The following NBEA variants were observed in gnomAD, a reference collection of about 807,000 sequenced individuals.
NBEA encodes lysosomal-trafficking regulator 2.
In NBEA, 44 loss-of-function variants were observed where a neutral mutation model predicts 343.4. That is an observed-to-expected ratio of 0.13 (90% confidence interval 0.10 to 0.16). The LOEUF (loss-of-function observed/expected upper bound fraction) is 0.16, where lower values mean the gene tolerates loss of function less well. Among genes scored for constraint, NBEA ranks in the 10% least tolerant of loss-of-function variants. The pLI, the probability that NBEA is intolerant of heterozygous loss-of-function variation, is 1.00. For synonymous variants in NBEA, 1,175 were observed against 1,238.7 expected (o/e 0.95, Z 1.08); for missense variants, 2,555 against 3,631.3 (o/e 0.70, Z 7.62).
chr13:35,430,503 T>G (rs1263591943), intron 38 of NBEA, among the ~76,000 whole-genome samples: 3 of 152,206 alleles, frequency 2.0e-5, no homozygotes, highest in Non-Finnish European at 4.4e-5. Context: ...GGGTTCTTGG[T>G]CATGAAGTCT....
At chr13:35,097,670 G>C (rs1298664575) in intron 10 of NBEA, among the ~76,000 whole-genome samples, 3 of 151,720 alleles carry the variant, frequency 2.0e-5, no homozygotes, top group Non-Finnish European at 4.4e-5. Context: ...CTCTTTGTCT[G>C]CTTTTATGTA....
intron 49 of NBEA, among the ~76,000 whole-genome samples, chr13:35,637,808 C>A (rs1332591011): frequency 2.7e-5 from 4 of 148,864 alleles, no homozygotes; most frequent in Non-Finnish European, 3.0e-5. Context: ...GGTTACAGAG[C>A]AAGACTCCAT....
chr13:35,357,977 A>T (rs2040589182), intron 38 of NBEA, among the ~76,000 whole-genome samples: 1 of 152,028 alleles, frequency 6.6e-6, no homozygotes, highest in South Asian at 2.1e-4. Context: ...CTTAACTTCT[A>T]ATATATAGTT....
chr13:35,565,582 G>A (rs1212958506), intron 44 of NBEA, among the ~76,000 whole-genome samples: 1 of 151,818 alleles, frequency 6.6e-6, no homozygotes, highest in Non-Finnish European at 1.5e-5. Context: ...GAATTTTAAT[G>A]GAAATTTAGA....
intron 45 of NBEA, among the ~76,000 whole-genome samples, chr13:35,577,039 C>T (rs2080776649): frequency 6.6e-6 from 1 of 152,128 alleles, no homozygotes; most frequent in African/African-American, 2.4e-5. Flanking sequence ...CAAGTGCCCA[C>T]CAGAATTATC....
Position 35,432,322 on chromosome 13 carries a change from G to A in NBEA, c.6233G>A (p.Arg2078Lys), listed in dbSNP as rs753679154. The A allele has an allele frequency of 1.2e-5, 20 of 1,608,590 alleles. No homozygotes were observed. The highest frequency in any genetic ancestry group is 1.7e-5 in the Non-Finnish European group (20 of 1,177,202). Residue 2078 changes from arginine (R) to lysine (K), a missense_variant, in exon 39 of 59, where the codon AGG (arginine) becomes AAG (lysine). Around this residue, in one of 21 missense-constraint regions of NBEA, gnomAD observed 246 missense variants for 313.7 expected, o/e 0.78. Transcript: ENST00000379939. Reference protein sequence around the residue: ...LDYWEDDLRRRRRFVRNAFGS... With the variant: ...LDYWEDDLRRKRRFVRNAFGS... Reference sequence around the variant, plus strand: ...TACTGGGAAGATGATCTTCGTCGAAGGAGACGATTTGTTCGCAATGCATTT... The same window carrying A: ...TACTGGGAAGATGATCTTCGTCGAAAGAGACGATTTGTTCGCAATGCATTT...
intron 1 of NBEA, among the ~76,000 whole-genome samples, chr13:34,950,609 TA>T (rs1425762441): frequency 2.6e-5 from 4 of 151,382 alleles, no homozygotes; most frequent in African/African-American, 7.2e-5. Context: ...TATTCTAAAT[TA>T]AAAAAATTTT....
intron 38 of NBEA, among the ~76,000 whole-genome samples, chr13:35,387,129 A>G (rs996465777): frequency 6.6e-6 from 1 of 152,146 alleles, no homozygotes; most frequent in African/African-American, 2.4e-5. Flanking sequence ...AATGATTGTA[A>G]CAACTATTTT....
intron 25 of NBEA, among the ~76,000 whole-genome samples, chr13:35,169,992 T>G (rs1024060732): frequency 6.6e-6 from 1 of 151,780 alleles, no homozygotes; most frequent in Non-Finnish European, 1.5e-5. Flanking sequence ...TTAGAGAGAA[T>G]GGTTTTAACC....
intron 11 of NBEA, among the ~76,000 whole-genome samples, chr13:35,098,696 A>G (rs374871709): frequency 6.6e-6 from 1 of 151,980 alleles, no homozygotes; most frequent in African/African-American, 2.4e-5. Flanking sequence ...CTTTATTTCT[A>G]CTCTCACTTT....
intron 37 of NBEA, among the ~76,000 whole-genome samples, chr13:35,350,456 T>G (rs1457063302): frequency 1.3e-5 from 2 of 152,102 alleles, no homozygotes; most frequent in African/African-American, 2.4e-5. Flanking sequence ...GTGTTTTATG[T>G]ACTGAAATAA....
chr13:35,542,612 C>G (rs997358672), intron 41 of NBEA, among the ~76,000 whole-genome samples: 1 of 152,026 alleles, frequency 6.6e-6, no homozygotes, highest in Non-Finnish European at 1.5e-5. Flanking sequence ...CAGTTGTTCT[C>G]TAACTTTTTT....
chr13:35,235,375 A>T (rs1257764669), intron 34 of NBEA, among the ~76,000 whole-genome samples: 2 of 152,144 alleles, frequency 1.3e-5, no homozygotes, highest in Non-Finnish European at 2.9e-5. Context: ...AAAGCCTTTT[A>T]TTTTTTCTGT....
chr13:35,313,587 CTT>C (rs2037515154), intron 36 of NBEA, among the ~76,000 whole-genome samples: 1 of 152,170 alleles, frequency 6.6e-6, no homozygotes. Flanking sequence ...CTCATCCAAA[CTT>C]AATGCTGGTG....
intron 41 of NBEA, among the ~76,000 whole-genome samples, chr13:35,549,179 C>T (rs1205431290): frequency 6.6e-6 from 1 of 152,070 alleles, no homozygotes; most frequent in East Asian, 1.9e-4. Context: ...TAGAGAAAGA[C>T]AAAAACTGAA....
chr13:35,634,892 A>G (rs1176863537), intron 49 of NBEA, among the ~76,000 whole-genome samples: 1 of 152,148 alleles, frequency 6.6e-6, no homozygotes, highest in Non-Finnish European at 1.5e-5. Context: ...ATATGCCCAT[A>G]GGAAGTAGGC....
intron 36 of NBEA, among the ~76,000 whole-genome samples, chr13:35,314,925 C>T (rs2037618941): frequency 6.6e-6 from 1 of 152,134 alleles, no homozygotes; most frequent in Admixed American, 6.5e-5. Context: ...TTCAAAAAGT[C>T]ATCTTTAGGT....
intron 4 of NBEA, 128 bp downstream of exon 4, chr13:35,045,529 A>G: frequency 1.5e-6 from 1 of 680,044 alleles, no homozygotes; most frequent in Non-Finnish European, 2.4e-6. Flanking sequence ...GAAGTCATAC[A>G]ACCACTACTA....
chr13:35,105,784 G>C (rs777682679), intron 11 of NBEA, among the ~76,000 whole-genome samples: 1 of 151,978 alleles, frequency 6.6e-6, no homozygotes, highest in African/African-American at 2.4e-5. Flanking sequence ...GGGAGGAGCA[G>C]AATGGATAAT....
Sources: allele counts gnomAD v4.1 joint callset (sites outside exome capture counted in the v4.1 genomes callset), GRCh38; gene constraint gnomAD v4.1.1; regional missense constraint gnomAD v4.1.1; transcripts MANE v1.5; gene names NCBI Gene and HGNC (gene_info 2026-07-23, HGNC 2026-07-21).